Variants in CES3 observed in about 807,000 individuals in gnomAD.
The protein encoded by CES3 is carboxylesterase 3.
CES3 carries 49 observed loss-of-function variants against 57.6 expected under a neutral mutation model. The observed-to-expected ratio is 0.85, with a 90% confidence interval of 0.68 to 1.08. The LOEUF (loss-of-function observed/expected upper bound fraction) is 1.08. CES3 is among the 50% of genes least tolerant of loss of function. The pLI is 0.00. For synonymous variants in CES3, 266 were observed against 281.6 expected (o/e 0.94, Z 0.55); for missense variants, 645 against 742.0 (o/e 0.87, Z 1.52).
chr16:66,963,156 T>C lies in CES3; in HGVS notation c.83-23T>C. Reference sequence around the variant, plus strand: ...TCATGGGGGCTGCAAACTCACCCCGTGGCCTTTCTGTCCTTCCCTCAGGGC... The same window carrying C: ...TCATGGGGGCTGCAAACTCACCCCGCGGCCTTTCTGTCCTTCCCTCAGGGC... On this transcript the variant is annotated intron_variant, in intron 1 of 12. Coordinates refer to ENST00000303334, the MANE Select transcript of CES3 (RefSeq NM_024922.6). This position sits in a 1 kb window ranked among gnomAD's most constrained non-coding sequence, Gnocchi z 4.9. 1 of 1,613,604 alleles carries C rather than the reference T, an allele frequency of 6.2e-7. No individual in the cohort carries two copies. Among genetic ancestry groups the C allele is most frequent in the Non-Finnish European group, 8.5e-7 (1 of 1,179,462 alleles).
rs762806851 is a variant in CES3, at chr16:66,961,322, G to A, written c.15G>A (p.Val5=). 1.2e-6 allele frequency: 2 copies of A among 1,613,904 alleles called. No individual in the cohort carries two copies. The highest frequency in any genetic ancestry group is 1.7e-6 in the Non-Finnish European group (2 of 1,179,926). ...TTGTAAGGAGAATGGAGAGAGCAGT[G>A]AGAGTGGAGTCCGGGGTCCTGGTCG... MERA[V]RVESGVLVGV... is the part of the protein sequence containing the mutation. The change falls in exon 1 of 13, where the codon GTG becomes GTA. Residue 5 remains valine, a synonymous_variant. Transcript: ENST00000303334.
At chr16:66,965,034 C>T (rs891716785) in intron 6 of CES3, among the ~76,000 whole-genome samples, 6 of 152,228 alleles carry the variant, frequency 3.9e-5, no homozygotes, top group Non-Finnish European at 8.8e-5. Context: ...CATTGCCAGC[C>T]ACCTGCTGCC....
intron 8 of CES3, chr16:66,967,870 TC>T: frequency 1.7e-6 from 1 of 601,086 alleles, no homozygotes; most frequent in Non-Finnish European, 2.1e-6. Context: ...CGAGCAATCC[TC>T]CCAGCTTCCT....
intron 9 of CES3, among the ~76,000 whole-genome samples, 197 bp from the exon 10 acceptor site, chr16:66,970,975 G>T (rs1963822257): frequency 6.6e-6 from 1 of 152,254 alleles, no homozygotes; most frequent in African/African-American, 2.4e-5. Context: ...CAGCCAAGCA[G>T]TGGTTGCAGA....
At position 66,963,858 on chromosome 16, in the gene CES3, T is replaced by C; in HGVS notation, c.483T>C (p.Asp161=). The part of the protein sequence containing the change: ...ALITGAATSY[D]GSALAAYGDV... ...TAACTGGCGCTGCCACCTCCTACGA[T>C]GGATCAGCTCTGGCTGCCTATGGGG... The change falls in exon 4 of 13, where the codon GAT becomes GAC. Residue 161 remains aspartate, a synonymous_variant. Transcript: ENST00000303334. This position sits in a 1 kb window ranked among gnomAD's most constrained non-coding sequence, Gnocchi z 4.9. 1 of 1,614,174 alleles carries C rather than the reference T, an allele frequency of 6.2e-7. No individual in the cohort carries two copies. Among genetic ancestry groups the C allele is most frequent in the Non-Finnish European group, 8.5e-7 (1 of 1,180,004 alleles).
At position 66,967,439 on chromosome 16, in the gene CES3, G is replaced by A. The variant is rs572771412; in HGVS notation, c.1062+574G>A. ...CTGGGCAGCATATTCCTGCCTTGGC[G>A]TCTGGTTTATACATCAGGCTCTATG... On this transcript the variant is annotated intron_variant, in intron 8 of 12. Transcript: ENST00000303334. 9.9e-5 allele frequency: 94 copies of A among 945,292 alleles called. No individual in the cohort carries two copies. In the African/African-American group the frequency reaches 1.2e-3, roughly 12 times the overall value. The allele number at this position is 945,292 out of a possible 1,614,324, so 58.6% of individuals were successfully genotyped here.
At chr16:66,966,887 G>A (rs763884311) in intron 8 of CES3, 22 bp downstream of exon 8, 28 of 1,612,792 alleles carry the variant, frequency 1.7e-5, no homozygotes, top group Non-Finnish European at 2.4e-5. Context: ...CCACCCCTGT[G>A]CCCTTCAAGG....
chr16:66,963,306 G>T lies in CES3; in HGVS notation c.210G>T (p.Leu70=). 7 of 1,613,886 alleles carry T rather than the reference G, an allele frequency of 4.3e-6. No individual in the cohort carries two copies. Among genetic ancestry groups the T allele is most frequent in the Non-Finnish European group, 5.9e-6 (7 of 1,180,036 alleles). The change falls in exon 2 of 13, where the codon CTG becomes CTT. Residue 70 remains leucine, a synonymous_variant. Coordinates refer to ENST00000303334, the MANE Select transcript of CES3 (RefSeq NM_024922.6). The surrounding 1 kb of genome is among the most constrained non-coding windows in gnomAD (Gnocchi z 4.9). ...FLGIPFAQPP[L]GPDRFSAPHP... ...GCATTCCATTTGCCCAGCCGCCACT[G>T]GGCCCTGACCGGTTCTCAGCCCCAC...
In CES3 at chr16:66,963,936, G is replaced by T. The variant is rs1047344375; in HGVS notation, c.560+1G>T. On this transcript the variant is annotated splice_donor_variant, in intron 4 of 12. Transcript: ENST00000303334. LOFTEE classifies it high-confidence loss of function. The surrounding 1 kb of genome is among the most constrained non-coding windows in gnomAD (Gnocchi z 4.9). ...GCCTTGGGGTCCTTGGCTTCTTCAG[G>T]TGAGACGACAGGCATGGCCAGAGCA... 4 of 1,612,372 alleles carry T rather than the reference G, an allele frequency of 2.5e-6. No homozygotes were observed. Among genetic ancestry groups the T allele is most frequent in the Non-Finnish European group, 3.4e-6 (4 of 1,178,720 alleles).
chr16:66,962,252 T>A (rs1260849732), intron 1 of CES3, among the ~76,000 whole-genome samples: 4 of 152,184 alleles, frequency 2.6e-5, no homozygotes, highest in Non-Finnish European at 5.9e-5. Context: ...TGGTTGGGTA[T>A]GGCTCTGGAC....
rs1963684056 is a variant in CES3, at chr16:66,963,546, C to T, written c.343C>T (p.Gln115Ter). 4 of 1,614,096 alleles carry T rather than the reference C, an allele frequency of 2.5e-6. No homozygotes were observed. Among genetic ancestry groups the T allele is most frequent in the Non-Finnish European group, 3.4e-6 (4 of 1,180,032 alleles). ...NSSRFVLNGK[Q>*]QIFSVSEDCL... ...CAGCAGATTTGTCCTCAACGGAAAA[C>T]AGCAGATCTTCTCCGTTTCAGAGGA... The change falls in exon 3 of 13, where the codon CAG becomes TAG. Residue 115 changes from glutamine to a stop codon, truncating the protein, a stop_gained. Coordinates refer to ENST00000303334, the MANE Select transcript of CES3 (RefSeq NM_024922.6). LOFTEE classifies it high-confidence loss of function. The surrounding 1 kb of genome is among the most constrained non-coding windows in gnomAD (Gnocchi z 4.9).
Position 66,966,337 on chromosome 16 carries a change from A to G in CES3, c.913A>G (p.Lys305Glu), listed in dbSNP as rs1963730639. ...AGAAGGAGAAGAGCTGGTCCTTAGC[A>G]AGAAGCTGGTATGGCCACCCTTTTG... is the stretch of plus-strand genomic sequence containing the variant. ...QKEGEELVLS[K>E]KLKNTIYPLT... Residue 305 changes from lysine (K) to glutamate (E), a missense_variant, in exon 7 of 13, where the codon AAG (lysine) becomes GAG (glutamate). By Grantham distance (56) the Lys-to-Glu change is moderately conservative (BLOSUM62 1). Coordinates refer to ENST00000303334, the MANE Select transcript of CES3 (RefSeq NM_024922.6). 1.2e-6 allele frequency: 2 copies of G among 1,613,448 alleles called. No homozygotes were observed. Among genetic ancestry groups the G allele is most frequent in the Admixed American group, 1.7e-5 (1 of 59,990 alleles).
In CES3 at chr16:66,963,030, T is replaced by C. The variant is rs71647889; in HGVS notation, c.83-149T>C. On this transcript the variant is annotated intron_variant, in intron 1 of 12. Transcript: ENST00000303334. This position sits in a 1 kb window ranked among gnomAD's most constrained non-coding sequence, Gnocchi z 4.9. Reference sequence around the variant, plus strand: ...CAGGCAGGGAGGAGGAAGTTGGGCGTCAACCTAAGACCAGGCTCACCGGCT... The same window carrying C: ...CAGGCAGGGAGGAGGAAGTTGGGCGCCAACCTAAGACCAGGCTCACCGGCT... 52 of 838,464 alleles carry C rather than the reference T, an allele frequency of 6.2e-5. No homozygotes were observed. The African/African-American group carries it at 7.8e-4, about 13-fold the overall frequency. The allele number at this position is 838,464 out of a possible 1,614,324, so 51.9% of individuals were successfully genotyped here.
In CES3 at chr16:66,972,514, A is replaced by G. The variant is rs766006018; in HGVS notation, c.1441+9A>G. 2.5e-6 allele frequency: 4 copies of G among 1,607,634 alleles called. No homozygotes were observed. Among genetic ancestry groups the G allele is most frequent in the East Asian group, 4.5e-5 (2 of 44,820 alleles). On this transcript the variant is annotated intron_variant, in intron 11 of 12. Coordinates refer to ENST00000303334, the MANE Select transcript of CES3 (RefSeq NM_024922.6). ...CGAGAGCTCCCGCCTGGGTGAGGACAGACAGACAGACATGTGATCCCTAGG... is the reference window on the plus strand; with the variant it reads ...CGAGAGCTCCCGCCTGGGTGAGGACGGACAGACAGACATGTGATCCCTAGG...
At position 66,973,608 on chromosome 16, in the gene CES3, T is replaced by C. The variant is rs1963882367; in HGVS notation, c.*559T>C. On this transcript the variant is annotated 3_prime_UTR_variant, in exon 13 of 13. Coordinates refer to ENST00000303334, the MANE Select transcript of CES3 (RefSeq NM_024922.6). ...GAGCCTTCAGGTGCCAAAGCCATACTCAGGCCCCCACCGACATTGTCCACC... is the reference window on the plus strand; with the variant it reads ...GAGCCTTCAGGTGCCAAAGCCATACCCAGGCCCCCACCGACATTGTCCACC... 1.3e-5 allele frequency: 2 copies of C among 154,520 alleles called. No individual in the cohort carries two copies. The highest frequency in any genetic ancestry group is 2.0e-4 in the South Asian group (1 of 4,932). 9.6% of individuals were successfully genotyped at this position (154,520 alleles called of 1,614,324 possible).
intron 9 of CES3, among the ~76,000 whole-genome samples, chr16:66,970,476 G>T (rs1416670926): frequency 6.6e-6 from 1 of 152,234 alleles, no homozygotes; most frequent in Non-Finnish European, 1.5e-5. Flanking sequence ...GGCTTGAGGT[G>T]TCATGCTGGG....
chr16:66,971,862 G>A (rs551529007), intron 10 of CES3, among the ~76,000 whole-genome samples: 6 of 152,132 alleles, frequency 3.9e-5, no homozygotes, highest in Non-Finnish European at 7.4e-5. Flanking sequence ...CTGGCCAGGC[G>A]CGGTGGGTGG....
At chr16:66,971,634 T>G (rs115734531) in intron 10 of CES3, among the ~76,000 whole-genome samples, 1 of 152,174 alleles carries the variant, frequency 6.6e-6, no homozygotes. Context: ...CTTTCAGCAC[T>G]TCTGGGGGGA....
intron 8 of CES3, 30 bp from the exon 9 acceptor site, chr16:66,969,649 T>C (rs1467528123): frequency 6.2e-7 from 1 of 1,604,904 alleles, no homozygotes; most frequent in East Asian, 2.2e-5. Context: ...GTGGTCAGGC[T>C]CCACTGAGAG....
Sources: gnomAD v4.1 joint callset for allele counts (sites outside exome capture counted in the v4.1 genomes callset) on GRCh38, gnomAD v4.1.1 for gene constraint, Gnocchi (gnomAD v3.1) non-coding constraint, MANE v1.5 for transcripts, NCBI Gene and HGNC (gene_info 2026-07-23, HGNC 2026-07-21) for gene names.